The following SPON1 variants were observed in gnomAD, a reference collection of about 807,000 sequenced individuals.
SPON1 encodes spondin 1.
A neutral mutation model predicts 111.7 loss-of-function variants in SPON1; 52 were observed. The ratio of observed to expected loss-of-function variants is 0.47; its 90% CI spans 0.37 to 0.59. The LOEUF is 0.59. Among genes scored for constraint, SPON1 ranks in the 20% least tolerant of loss-of-function variants. SPON1 has a pLI of 0.00. For synonymous variants in SPON1, 410 were observed against 395.8 expected, an observed-to-expected ratio of 1.04 and a Z score of -0.43; for missense variants, 957 against 1,068.5, an observed-to-expected ratio of 0.90 and a Z score of 1.46.
At chr11:14,114,755 T>C (rs1554925824) in intron 5 of SPON1, among the ~76,000 whole-genome samples, 1 of 152,204 alleles carries the variant, frequency 6.6e-6, no homozygotes, top group Non-Finnish European at 1.5e-5. Context: ...TCACGGCACT[T>C]TCCACACTGC....
intron 3 of SPON1, among the ~76,000 whole-genome samples, chr11:14,050,115 C>G (rs1315958375): frequency 6.6e-6 from 1 of 152,224 alleles, no homozygotes; most frequent in Non-Finnish European, 1.5e-5. Flanking sequence ...CTATTCCCAG[C>G]TGCAGCTGCT....
intron 6 of SPON1, among the ~76,000 whole-genome samples, chr11:14,142,339 G>T (rs7929110): frequency 0.017 from 2,592 of 152,244 alleles, 72 homozygotes; most frequent in African/African-American, 0.059. Context: ...AGTGTGAAAA[G>T]GTCCAGAGGA....
At chr11:14,021,630 A>C (rs1554914804) in intron 2 of SPON1, among the ~76,000 whole-genome samples, 1 of 152,194 alleles carries the variant, frequency 6.6e-6, no homozygotes, top group Non-Finnish European at 1.5e-5. Flanking sequence ...CCATTGAGTC[A>C]TTTCAACTTC....
At chr11:14,206,301 C>A (rs1554936190) in intron 6 of SPON1, among the ~76,000 whole-genome samples, 1 of 152,116 alleles carries the variant, frequency 6.6e-6, no homozygotes, top group Non-Finnish European at 1.5e-5. Flanking sequence ...TCAAGCGATT[C>A]TTCTGCCTCA....
intron 1 of SPON1, among the ~76,000 whole-genome samples, chr11:13,970,410 A>T (rs1848053589): frequency 6.6e-6 from 1 of 152,084 alleles, no homozygotes; most frequent in South Asian, 2.1e-4. Flanking sequence ...AATAACTTGA[A>T]CCCTCTCTAC....
chr11:14,257,791 G>A lies in SPON1; in HGVS notation c.1385G>A (p.Gly462Asp). 1 of 1,612,508 alleles carries A rather than the reference G, an allele frequency of 6.2e-7. No individual in the cohort carries two copies. The highest frequency in any genetic ancestry group is 2.2e-5 in the East Asian group (1 of 44,848). Reference protein sequence around the residue: ...SACSSSTCDKGKRMRQRMLKA... With the variant: ...SACSSSTCDKDKRMRQRMLKA... ...TGCAGCTCCTCCACCTGTGACAAAG[G>A]CAAGAGGATGCGACAGCGCATGCTG... Residue 462 changes from glycine to aspartate, a missense_variant, in exon 11 of 16, where the codon GGC becomes GAC. Gly to Asp is a moderately conservative substitution (Grantham distance 94). Transcript: ENST00000576479.
At chr11:14,136,363 T>C (rs894525314) in intron 6 of SPON1, among the ~76,000 whole-genome samples, 7 of 152,258 alleles carry the variant, frequency 4.6e-5, no homozygotes, top group African/African-American at 1.4e-4. Flanking sequence ...CTGGAGGAAG[T>C]AAGGAAAGAG....
At chr11:14,076,579 G>A (rs537645466) in intron 4 of SPON1, among the ~76,000 whole-genome samples, 1 of 152,214 alleles carries the variant, frequency 6.6e-6, no homozygotes, top group South Asian at 2.1e-4. Flanking sequence ...AGCTTTCTTA[G>A]CATCATATAC....
At chr11:14,150,982 G>A (rs1426887403) in intron 6 of SPON1, among the ~76,000 whole-genome samples, 7 of 152,178 alleles carry the variant, frequency 4.6e-5, no homozygotes, top group African/African-American at 1.7e-4. Context: ...CTGTGTCTGA[G>A]GATGGACTCA....
intron 2 of SPON1, among the ~76,000 whole-genome samples, chr11:13,995,195 TAGTA>T (rs1224753167): frequency 1.3e-5 from 2 of 152,182 alleles, no homozygotes; most frequent in Non-Finnish European, 2.9e-5. Flanking sequence ...TCAGTAAATA[TAGTA>T]AGTATTTGCT....
At chr11:14,007,251 AGAG>A (rs1848369529) in intron 2 of SPON1, among the ~76,000 whole-genome samples, 6 of 152,192 alleles carry the variant, frequency 3.9e-5, no homozygotes, top group Non-Finnish European at 8.8e-5. Flanking sequence ...AGGGTTTTCT[AGAG>A]GGACAGAACT....
Position 14,213,039 on chromosome 11 carries a change from T to C in SPON1, c.826-30293T>C, listed in dbSNP as rs148997485. ...TGGGAGAGACTCTTTTAAGGGCTTCTGAGAGTGGGAAATTGACCAGGCCCC... is the reference window on the plus strand; with the variant it reads ...TGGGAGAGACTCTTTTAAGGGCTTCCGAGAGTGGGAAATTGACCAGGCCCC... On this transcript the variant is annotated intron_variant, in intron 6 of 15. Transcript: ENST00000576479. 5.1e-3 allele frequency among the ~76,000 whole-genome samples: 778 copies of C among 152,316 alleles called. 9 individuals carry two copies. The highest frequency in any genetic ancestry group is 0.018 in the African/African-American group (751 of 41,568).
At chr11:14,207,180 C>G (rs922398345) in intron 6 of SPON1, among the ~76,000 whole-genome samples, 2 of 152,158 alleles carry the variant, frequency 1.3e-5, no homozygotes, top group African/African-American at 4.8e-5. Flanking sequence ...ATTGGATAGC[C>G]ATATGCAGAA....
chr11:14,047,664 A>G (rs1554917968), intron 3 of SPON1, among the ~76,000 whole-genome samples: 1 of 152,190 alleles, frequency 6.6e-6, no homozygotes, highest in Non-Finnish European at 1.5e-5. Context: ...TCTTGAAGAC[A>G]GTGTTAGGGT....
chr11:14,217,683 T>C (rs1258581453), intron 6 of SPON1, among the ~76,000 whole-genome samples: 4 of 152,134 alleles, frequency 2.6e-5, no homozygotes, highest in Admixed American at 2.0e-4. Context: ...TAAATATAAT[T>C]TGTGCCACTT....
intron 5 of SPON1, among the ~76,000 whole-genome samples, chr11:14,083,566 G>C (rs1301097418): frequency 6.6e-6 from 1 of 152,056 alleles, no homozygotes; most frequent in Admixed American, 6.6e-5. Context: ...CAAATGCATG[G>C]TTTTGTAACA....
intron 6 of SPON1, among the ~76,000 whole-genome samples, chr11:14,241,170 AG>A (rs1418536847): frequency 2.3e-4 from 35 of 152,214 alleles, no homozygotes; most frequent in Admixed American, 4.6e-4. Context: ...AGGAGACAGA[AG>A]GCAGGGTTGC....
chr11:13,974,452 T>C (rs984345206), intron 1 of SPON1, among the ~76,000 whole-genome samples: 2 of 152,156 alleles, frequency 1.3e-5, no homozygotes, highest in South Asian at 4.1e-4. Flanking sequence ...GTGAGGGTAA[T>C]AGGCATAGAA....
At chr11:14,043,074 G>A (rs1268046019) in intron 3 of SPON1, among the ~76,000 whole-genome samples, 1 of 152,150 alleles carries the variant, frequency 6.6e-6, no homozygotes, top group Non-Finnish European at 1.5e-5. Flanking sequence ...TATATAACAT[G>A]TCTATAGTAT....
Sources: allele counts gnomAD v4.1 joint callset (sites outside exome capture counted in the v4.1 genomes callset), GRCh38; gene constraint gnomAD v4.1.1; transcripts MANE v1.5; gene names NCBI Gene and HGNC (gene_info 2026-07-23, HGNC 2026-07-21).